RIMS3: variants seen among roughly 807,000 people sequenced by gnomAD.
RIMS3 encodes the protein regulating synaptic membrane exocytosis 3.
In RIMS3, 15 loss-of-function variants were observed where a neutral mutation model predicts 29.2. The observed-to-expected ratio is 0.51, with a 90% CI of 0.34 to 0.79. The LOEUF (loss-of-function observed/expected upper bound fraction) is 0.79, where lower values mean the gene tolerates loss of function less well. Ranked by LOEUF, RIMS3 falls within the 30% of genes least tolerant of loss-of-function variation. The pLI, the probability that RIMS3 is intolerant of heterozygous loss-of-function variation, is 0.01. For synonymous variants in RIMS3, 161 were observed against 170.1 expected (o/e 0.95, Z 0.41); for missense variants, 342 against 421.4 (o/e 0.81, Z 1.65).
the RIMS3 span, chr1:40,691,692 A>G: frequency 2.2e-6 from 1 of 450,576 alleles, no homozygotes; most frequent in East Asian, 7.4e-5. Context: ...GGAAGGGAAA[A>G]GGGGAAACGG....
chr1:40,636,195 AG>A lies in RIMS3; in HGVS notation c.218-139del. The stretch of plus-strand genomic sequence containing the variant: ...GATGAGCAGGGCTCTGACTGGAGGC[AG>A]GGGCATGGCTGAGCTGACCTCAGAG... On this transcript the variant is annotated intron_variant, in intron 3 of 7. Coordinates refer to ENST00000372684, the MANE Select transcript of RIMS3 (RefSeq NM_014747.3). This position sits in a 1 kb window ranked among gnomAD's most constrained non-coding sequence, Gnocchi z 4.2. 1 of 1,124,340 alleles carries A rather than the reference AG, an allele frequency of 8.9e-7. No individual in the cohort carries two copies. 69.6% of individuals were successfully genotyped at this position (1,124,340 alleles called of 1,614,324 possible).
At chr1:40,676,167 G>A in the RIMS3 span, among the ~76,000 whole-genome samples, 2 of 152,112 alleles carry the variant, frequency 1.3e-5, no homozygotes, top group Admixed American at 1.3e-4. Flanking sequence ...CTTTGTACTT[G>A]AGCTAAATTG....
chr1:40,626,134 C>T lies in RIMS3; in HGVS notation c.*383G>A. On this transcript the variant is annotated 3_prime_UTR_variant, in exon 8 of 8. Transcript: ENST00000372684. ...ACACAGGCTCTGCCCCAGGCCAGGA[C>T]CAGGCAGCACCGACCAGTGGCCGCA... is the stretch of plus-strand genomic sequence containing the variant. The T allele has an allele frequency of 3.2e-6, 1 of 313,814 alleles. No homozygotes were observed. Among genetic ancestry groups the T allele is most frequent in the Non-Finnish European group, 6.2e-6 (1 of 162,456 alleles). The allele number at this position is 313,814 out of a possible 1,614,324, so 19.4% of individuals were successfully genotyped here. A position where few individuals can be genotyped will look rare whatever the true frequency, so the allele number is the denominator to read the frequency against.
At position 40,635,682 on chromosome 1, in the gene RIMS3, A is replaced by G. The variant is rs1646514622; in HGVS notation, c.359+234T>C. Among the ~76,000 whole-genome samples, 1 of 152,238 alleles carries G rather than the reference A, an allele frequency of 6.6e-6. No homozygotes were observed. ...GGAGGTAAGGGTCCCTTCCTGAAAC[A>G]TACAGAAGGAACTGATAGCTCCTGG... On this transcript the variant is annotated intron_variant, in intron 4 of 7. Coordinates refer to ENST00000372684, the MANE Select transcript of RIMS3 (RefSeq NM_014747.3). The surrounding 1 kb of genome is among the most constrained non-coding windows in gnomAD (Gnocchi z 4.1).
intron 3 of RIMS3, among the ~76,000 whole-genome samples, chr1:40,637,129 G>C (rs1236067153): frequency 6.6e-6 from 1 of 152,210 alleles, no homozygotes; most frequent in Non-Finnish European, 1.5e-5. Flanking sequence ...AGGGGGAGAG[G>C]CCAGGGCAGG....
intron 2 of RIMS3, among the ~76,000 whole-genome samples, chr1:40,646,841 T>C (rs1646599123): frequency 6.6e-6 from 1 of 151,750 alleles, no homozygotes; most frequent in African/African-American, 2.4e-5. Flanking sequence ...CAGGCTACCC[T>C]GGGCCCCTCA....
Position 40,624,705 on chromosome 1 carries a change from C to T in RIMS3, c.*1812G>A, listed in dbSNP as rs1457753556. The T allele has an allele frequency of 1.3e-5, 2 of 152,690 alleles. No homozygotes were observed. Among genetic ancestry groups the T allele is most frequent in the African/African-American group, 4.8e-5 (2 of 41,438 alleles). The allele number at this position is 152,690 out of a possible 1,614,324, so 9.5% of individuals were successfully genotyped here. A position where few individuals can be genotyped will look rare whatever the true frequency, so the allele number is the denominator to read the frequency against. ...CTTGGGAGGTGTTATAAGACTCTGG[C>T]TTCAACGTAACACAGAACCATGCCA... On this transcript the variant is annotated 3_prime_UTR_variant, in exon 8 of 8. Transcript: ENST00000372684.
intron 5 of RIMS3, among the ~76,000 whole-genome samples, chr1:40,632,765 C>T (rs1570173547): frequency 6.6e-6 from 1 of 151,998 alleles, no homozygotes; most frequent in African/African-American, 2.4e-5. Context: ...AGGTGCCAGG[C>T]GCTGTTGGGT....
the RIMS3 span, chr1:40,692,049 C>G: frequency 1.5e-5 from 3 of 204,158 alleles, no homozygotes; most frequent in Non-Finnish European, 3.2e-5. Context: ...GCCGCCGCCG[C>G]GCTCGTGGGG....
At position 40,625,038 on chromosome 1, in the gene RIMS3, AC is replaced by A. The variant is rs1364997594; in HGVS notation, c.*1478del. 2 of 152,294 alleles carry A rather than the reference AC, an allele frequency of 1.3e-5. No homozygotes were observed. The highest frequency in any genetic ancestry group is 4.8e-5 in the African/African-American group (2 of 41,384). The allele number at this position is 152,294 out of a possible 1,614,324, so 9.4% of individuals were successfully genotyped here. On this transcript the variant is annotated 3_prime_UTR_variant, in exon 8 of 8. Transcript: ENST00000372684. Reference sequence around the variant, plus strand: ...TGTCCTGTGCAACCTCTCGCCTTTCACCCTAGAGCTGAGGAGGGACAGGGAC... The same window carrying A: ...TGTCCTGTGCAACCTCTCGCCTTTCACCTAGAGCTGAGGAGGGACAGGGAC...
intron 6 of RIMS3, 88 bp from the exon 7 acceptor site, chr1:40,629,037 G>A (rs1370640649): frequency 2.6e-6 from 4 of 1,541,588 alleles, no homozygotes; most frequent in Non-Finnish European, 3.6e-6. Flanking sequence ...TGATCTTGGA[G>A]GTGAGCAGGA....
At chr1:40,650,615 A>G (rs1022511171) in intron 1 of RIMS3, among the ~76,000 whole-genome samples, 3 of 151,842 alleles carry the variant, frequency 2.0e-5, no homozygotes, top group African/African-American at 7.3e-5. Context: ...TAATCCCAGC[A>G]CTTAGGGAGG....
chr1:40,642,970 A>G (rs1486248365), intron 2 of RIMS3, among the ~76,000 whole-genome samples: 1 of 144,070 alleles, frequency 6.9e-6, no homozygotes, highest in African/African-American at 2.7e-5. Context: ...AAAAAAAAAA[A>G]TATTATATCA....
chr1:40,658,717 T>C (rs1364487881), intron 1 of RIMS3, among the ~76,000 whole-genome samples: 2 of 152,324 alleles, frequency 1.3e-5, no homozygotes, highest in East Asian at 3.9e-4. Context: ...AAGGCAGAGA[T>C]ATCCAGTCTG....
At chr1:40,685,870 G>A in the RIMS3 span, among the ~76,000 whole-genome samples, 5 of 151,948 alleles carry the variant, frequency 3.3e-5, no homozygotes, top group Admixed American at 2.0e-4. Flanking sequence ...TAGGCTGGAC[G>A]CAGTGGCTTA....
chr1:40,667,740 C>T (rs900014893), upstream of RIMS3, among the ~76,000 whole-genome samples: 19 of 152,084 alleles, frequency 1.2e-4, no homozygotes, highest in African/African-American at 4.6e-4. Flanking sequence ...GTATTTAAAG[C>T]AGTATGGTAT....
At chr1:40,659,779 G>C (rs1485870308) in intron 1 of RIMS3, among the ~76,000 whole-genome samples, 1 of 152,204 alleles carries the variant, frequency 6.6e-6, no homozygotes, top group Non-Finnish European at 1.5e-5. Flanking sequence ...GCCCCAAGAG[G>C]GGGCGTGCAT....
the RIMS3 span, among the ~76,000 whole-genome samples, chr1:40,679,221 C>G: frequency 6.6e-6 from 1 of 152,126 alleles, no homozygotes; most frequent in Non-Finnish European, 1.5e-5. Flanking sequence ...GTCTCCAAGC[C>G]CATAACTACC....
rs76769882 is a variant in RIMS3, at chr1:40,636,870, T to C, written c.218-813A>G. ...CTTTCCCTCTCCCAGCAGCACACCATCCTGCCTGGGTTTCCATGGCAACCT... is the reference window on the plus strand; with the variant it reads ...CTTTCCCTCTCCCAGCAGCACACCACCCTGCCTGGGTTTCCATGGCAACCT... On this transcript the variant is annotated intron_variant, in intron 3 of 7. Transcript: ENST00000372684. This position sits in a 1 kb window ranked among gnomAD's most constrained non-coding sequence, Gnocchi z 4.2. Among the ~76,000 whole-genome samples the C allele has an allele frequency of 0.072, 11,035 of 152,252 alleles. 535 individuals are homozygous for C. Among genetic ancestry groups the C allele is most frequent in the South Asian group, 0.17 (839 of 4,822 alleles).
Sources: gnomAD v4.1 joint callset for allele counts (sites outside exome capture counted in the v4.1 genomes callset) on GRCh38, gnomAD v4.1.1 for gene constraint, Gnocchi (gnomAD v3.1) non-coding constraint, MANE v1.5 for transcripts, NCBI Gene and HGNC (gene_info 2026-07-23, HGNC 2026-07-21) for gene names.